The following PLCB1 variants were observed in gnomAD, a reference collection of about 807,000 sequenced individuals.
PLCB1 encodes 1-phosphatidylinositol 4,5-bisphosphate phosphodiesterase beta-1.
In PLCB1, 46 loss-of-function variants were observed where a neutral mutation model predicts 161.8. That is an observed-to-expected ratio of 0.28 (90% CI 0.22 to 0.36). PLCB1 has a LOEUF of 0.36. Among genes scored for constraint, PLCB1 ranks in the 10% least tolerant of loss-of-function variants. The pLI is 1.00. For synonymous variants in PLCB1, 517 were observed against 503.7 expected (o/e 1.03, Z -0.35); for missense variants, 1,016 against 1,472.5 (o/e 0.69, Z 5.07).
chr20:8,454,631 T>C (rs1981217816), intron 3 of PLCB1, among the ~76,000 whole-genome samples: 1 of 152,142 alleles, frequency 6.6e-6, no homozygotes, highest in African/African-American at 2.4e-5. Flanking sequence ...GATGGTGTTT[T>C]TGTGGAGACT....
At chr20:8,529,406 G>T (rs1230140211) in intron 3 of PLCB1, among the ~76,000 whole-genome samples, 1 of 151,896 alleles carries the variant, frequency 6.6e-6, no homozygotes, top group Non-Finnish European at 1.5e-5. Flanking sequence ...AGAACCTCTC[G>T]CATATGCTCA....
chr20:8,583,352 A>G (rs1458829679), intron 3 of PLCB1, among the ~76,000 whole-genome samples: 1 of 152,230 alleles, frequency 6.6e-6, no homozygotes, highest in Non-Finnish European at 1.5e-5. Flanking sequence ...ATAAATTCTT[A>G]TGTTATTTCT....
chr20:8,735,597 G>A (rs761535654), intron 19 of PLCB1, among the ~76,000 whole-genome samples: 32 of 152,182 alleles, frequency 2.1e-4, no homozygotes, highest in African/African-American at 5.3e-4. Context: ...TGTTACTGAC[G>A]AGAGCATTGT....
chr20:8,560,437 A>G (rs1986105741), intron 3 of PLCB1, among the ~76,000 whole-genome samples: 1 of 151,908 alleles, frequency 6.6e-6, no homozygotes, highest in South Asian at 2.1e-4. Context: ...CTGGCTGCTT[A>G]TTACAACCAC....
chr20:8,347,718 T>C (rs1986041262), intron 2 of PLCB1, among the ~76,000 whole-genome samples: 2 of 152,180 alleles, frequency 1.3e-5, no homozygotes, highest in African/African-American at 2.4e-5. Flanking sequence ...AATGTTACTA[T>C]AACAACCAAT....
At chr20:8,172,468 A>G (rs1339174794) in intron 2 of PLCB1, among the ~76,000 whole-genome samples, 2 of 152,216 alleles carry the variant, frequency 1.3e-5, no homozygotes, top group African/African-American at 2.4e-5. Flanking sequence ...TGGCTGGAGC[A>G]TAGTAAATGG....
At position 8,717,829 on chromosome 20, in the gene PLCB1, G is replaced by A. The variant is rs1182816630; in HGVS notation, c.1494G>A (p.Glu498=). The A allele has an allele frequency of 1.2e-6, 2 of 1,607,608 alleles. No homozygotes were observed. Among genetic ancestry groups the A allele is most frequent in the African/African-American group, 1.3e-5 (1 of 74,434 alleles). ...ACAGTGACTCCTCCAGCATGTTCGA[G>A]CCCTCATCCCCAGGAGCCGGTGAGG... ...NTYSDSSSMF[E]PSSPGAGEAD... is the part of the protein sequence containing the mutation. Residue 498 remains glutamate (E), a synonymous_variant, in exon 14 of 32, where the codon GAG becomes GAA. Coordinates refer to ENST00000338037, the MANE Select transcript of PLCB1 (RefSeq NM_015192.4).
At chr20:8,487,228 T>G (rs1982767169) in intron 3 of PLCB1, among the ~76,000 whole-genome samples, 1 of 152,238 alleles carries the variant, frequency 6.6e-6, no homozygotes, top group Admixed American at 6.5e-5. Context: ...TTCACATTTT[T>G]TTACACTTGA....
At chr20:8,859,583 T>C (rs1987187002) in intron 31 of PLCB1, among the ~76,000 whole-genome samples, 1 of 152,190 alleles carries the variant, frequency 6.6e-6, no homozygotes, top group African/African-American at 2.4e-5. Flanking sequence ...TGGTTTTTTT[T>C]TTAACTTCAG....
intron 3 of PLCB1, among the ~76,000 whole-genome samples, chr20:8,429,888 T>C (rs1979960446): frequency 6.6e-6 from 1 of 152,022 alleles, no homozygotes. Context: ...TCAGGGGCTT[T>C]AACAGATAAA....
chr20:8,429,425 T>C (rs1979935420), intron 3 of PLCB1, among the ~76,000 whole-genome samples: 2 of 149,846 alleles, frequency 1.3e-5, no homozygotes, highest in African/African-American at 2.4e-5. Context: ...GTTTTTTAGG[T>C]TGTGACCTAT....
intron 7 of PLCB1, among the ~76,000 whole-genome samples, chr20:8,651,096 G>T (rs1989307259): frequency 6.6e-6 from 1 of 151,792 alleles, no homozygotes; most frequent in Non-Finnish European, 1.5e-5. Flanking sequence ...TTTTTTTCTC[G>T]TGCAGAGCTC....
intron 3 of PLCB1, among the ~76,000 whole-genome samples, chr20:8,402,071 A>G (rs553659320): frequency 2.0e-5 from 3 of 152,204 alleles, no homozygotes; most frequent in South Asian, 4.1e-4. Context: ...TGACTTTTCT[A>G]TATATTTTTA....
intron 3 of PLCB1, among the ~76,000 whole-genome samples, chr20:8,538,492 G>A (rs75980878): frequency 0.011 from 1,716 of 152,108 alleles, 35 homozygotes; most frequent in African/African-American, 0.038. Context: ...TAGGACCACA[G>A]GTTATGCCAC....
At chr20:8,486,481 A>ATTT (rs71183092) in intron 3 of PLCB1, among the ~76,000 whole-genome samples, 11,880 of 85,694 alleles carry the variant, frequency 0.14, 1,625 homozygotes, top group African/African-American at 0.18. Flanking sequence ...ATTCCAAAAT[A>ATTT]TTTTTTTTTT....
At chr20:8,720,443 G>A (rs531423870) in intron 14 of PLCB1, among the ~76,000 whole-genome samples, 18 of 152,248 alleles carry the variant, frequency 1.2e-4, no homozygotes, top group Non-Finnish European at 1.0e-4. Flanking sequence ...TTTACCATTT[G>A]GTTCGTAGAT....
At chr20:8,144,733 T>C (rs758921238) in intron 1 of PLCB1, among the ~76,000 whole-genome samples, 5 of 152,212 alleles carry the variant, frequency 3.3e-5, no homozygotes, top group Admixed American at 6.5e-5. Flanking sequence ...GCCCGTTGCA[T>C]AGCTGTTTTC....
intron 3 of PLCB1, among the ~76,000 whole-genome samples, chr20:8,570,182 C>T (rs983784305): frequency 6.6e-6 from 1 of 152,114 alleles, no homozygotes; most frequent in Non-Finnish European, 1.5e-5. Context: ...AACCATTGAA[C>T]AAAATTTCAG....
At chr20:8,602,071 G>A (rs978654086) in intron 3 of PLCB1, among the ~76,000 whole-genome samples, 1 of 152,174 alleles carries the variant, frequency 6.6e-6, no homozygotes, top group Non-Finnish European at 1.5e-5. Flanking sequence ...CCATTGGGCA[G>A]CATCTTCTCT....
Sources: allele counts gnomAD v4.1 joint callset (sites outside exome capture counted in the v4.1 genomes callset), GRCh38; gene constraint gnomAD v4.1.1; transcripts MANE v1.5; gene names NCBI Gene and HGNC (gene_info 2026-07-23, HGNC 2026-07-21).